The following LRSAM1 variants were observed in gnomAD, a reference collection of about 807,000 sequenced individuals.
LRSAM1 encodes E3 ubiquitin-protein ligase LRSAM1.
Under a neutral mutation model 118.1 loss-of-function variants are expected in LRSAM1, and 96 were observed. The observed-to-expected ratio is 0.81, with a 90% confidence interval of 0.69 to 0.96. The LOEUF (loss-of-function observed/expected upper bound fraction) is 0.96, where lower values mean the gene tolerates loss of function less well. Among genes scored for constraint, LRSAM1 ranks in the 40% least tolerant of loss-of-function variants. LRSAM1 has a pLI of 0.00. For synonymous variants in LRSAM1, 322 were observed against 364.2 expected (o/e 0.88, Z 1.32); for missense variants, 804 against 915.5 (o/e 0.88, Z 1.57).
intron 10 of LRSAM1, among the ~76,000 whole-genome samples, chr9:127,472,682 G>T (rs1017466707): frequency 6.6e-6 from 1 of 152,040 alleles, no homozygotes; most frequent in African/African-American, 2.4e-5. Flanking sequence ...AAACATTAAA[G>T]AAACCATAAA....
chr9:127,453,050 T>TTA (rs1192168475), intron 2 of LRSAM1, among the ~76,000 whole-genome samples: 2 of 152,216 alleles, frequency 1.3e-5, no homozygotes, highest in Admixed American at 1.3e-4. Flanking sequence ...CCACTGAACT[T>TTA]AATAAGCATC....
chr9:127,471,472 T>TAA (rs71380064), intron 10 of LRSAM1, among the ~76,000 whole-genome samples: 157 of 67,568 alleles, frequency 2.3e-3, no homozygotes, highest in East Asian at 3.4e-3. Context: ...CCTTATGTTA[T>TAA]AAAAAAAAAA....
At chr9:127,478,700 C>T (rs187026210) in intron 11 of LRSAM1, among the ~76,000 whole-genome samples, 72 of 152,310 alleles carry the variant, frequency 4.7e-4, no homozygotes, top group East Asian at 9.6e-4. Context: ...GCCCCTCCTA[C>T]AGTGCCATGC....
chr9:127,487,416 G>A (rs1835773111), intron 17 of LRSAM1: 1 of 431,000 alleles, frequency 2.3e-6, no homozygotes, highest in African/African-American at 2.0e-5. Context: ...TGCTGGGGAG[G>A]GGATTCTGGT....
chr9:127,459,864 G>A (rs1293201906), intron 7 of LRSAM1, among the ~76,000 whole-genome samples: 2 of 152,138 alleles, frequency 1.3e-5, no homozygotes, highest in Non-Finnish European at 2.9e-5. Context: ...TGGCCAGTAG[G>A]TGTATTTTTA....
At chr9:127,452,597 C>T (rs528654207) in intron 2 of LRSAM1, among the ~76,000 whole-genome samples, 1 of 152,196 alleles carries the variant, frequency 6.6e-6, no homozygotes, top group Non-Finnish European at 1.5e-5. Context: ...ATTTATTGAG[C>T]GCTCATGTGC....
At chr9:127,494,147 C>G (rs1836034426) in intron 21 of LRSAM1, among the ~76,000 whole-genome samples, 1 of 152,268 alleles carries the variant, frequency 6.6e-6, no homozygotes, top group Admixed American at 6.5e-5. Flanking sequence ...GAAGCACCGC[C>G]CCAGCAGAAC....
chr9:127,479,061 A>T, intron 12 of LRSAM1, 98 bp downstream of exon 12: 1 of 1,342,222 alleles, frequency 7.5e-7, no homozygotes, highest in Non-Finnish European at 1.1e-6. Flanking sequence ...CCCAGCTCAG[A>T]ATTAGAGGTC....
At chr9:127,461,094 T>A in intron 7 of LRSAM1, 79 bp from the exon 8 acceptor site, 1 of 1,069,654 alleles carries the variant, frequency 9.3e-7, no homozygotes, top group Non-Finnish European at 1.4e-6. Flanking sequence ...GACCTTGTGA[T>A]CCACCTGCCT....
At chr9:127,455,673 G>C in intron 5 of LRSAM1, 53 bp downstream of exon 5, 1 of 1,568,908 alleles carries the variant, frequency 6.4e-7, no homozygotes. Context: ...CTGCTTGTTT[G>C]AACCCACAAG....
chr9:127,465,105 C>G lies in LRSAM1; in HGVS notation c.529-2635C>G, dbSNP rs1834882031. On this transcript the variant is annotated intron_variant, in intron 9 of 25. Coordinates refer to ENST00000300417, the MANE Select transcript of LRSAM1 (RefSeq NM_001005373.4). This position sits in a 1 kb window ranked among gnomAD's most constrained non-coding sequence, Gnocchi z 4.1. ...GCACGCCACCCACCAAACAGCCCAC[C>G]AGGTCGGTAACACTGCCTGTTTGGC... Among the ~76,000 whole-genome samples the G allele has an allele frequency of 6.6e-6, 1 of 152,144 alleles. No homozygotes were observed.
intron 18 of LRSAM1, among the ~76,000 whole-genome samples, chr9:127,488,964 C>T (rs1050645505): frequency 6.6e-5 from 10 of 152,236 alleles, no homozygotes; most frequent in Non-Finnish European, 1.3e-4. Context: ...CTGTCCTCTG[C>T]GTGTTTGTCA....
intron 24 of LRSAM1, 65 bp from the exon 25 acceptor site, chr9:127,500,945 G>A (rs998872266): frequency 4.3e-5 from 70 of 1,611,362 alleles, no homozygotes; most frequent in Non-Finnish European, 5.8e-5. Flanking sequence ...GGGCCACAAT[G>A]AGCCCCCAGG....
rs1226957481 is a variant in LRSAM1 at position 127,503,134 on chromosome 9, G to A, written c.*235G>A. 5.2e-6 allele frequency: 3 copies of A among 579,262 alleles called. No individual in the cohort carries two copies. The highest frequency in any genetic ancestry group is 9.1e-6 in the Non-Finnish European group (3 of 328,098). The allele number at this position is 579,262 out of a possible 1,614,324, so 35.9% of individuals were successfully genotyped here. A position where few individuals can be genotyped will look rare whatever the true frequency, so the allele number is the denominator to read the frequency against. On this transcript the variant is annotated 3_prime_UTR_variant, in exon 26 of 26. Coordinates refer to ENST00000300417, the MANE Select transcript of LRSAM1 (RefSeq NM_001005373.4). ...GGTCCTGGGGGCTGGGGCTGGAGAG[G>A]CCGCTGCACCACCACCCGAGCCTGG...
chr9:127,457,926 C>T (rs1564251385), intron 6 of LRSAM1, among the ~76,000 whole-genome samples: 2 of 151,512 alleles, frequency 1.3e-5, no homozygotes, highest in African/African-American at 2.4e-5. Flanking sequence ...GGAATAATGA[C>T]AAGAGAAAAG....
intron 16 of LRSAM1, among the ~76,000 whole-genome samples, chr9:127,484,052 A>T (rs1013825944): frequency 3.3e-5 from 5 of 152,054 alleles, no homozygotes; most frequent in African/African-American, 1.2e-4. Flanking sequence ...TCCTCAACTG[A>T]AACTGTCCCT....
rs1588134360 is a variant in LRSAM1, at chr9:127,492,904, GTT to G, written c.1599+9_1599+10del. 3.7e-6 allele frequency: 6 copies of G among 1,613,282 alleles called. No individual in the cohort carries two copies. The African/African-American group carries it at 8.0e-5, about 22-fold the overall frequency. Reference sequence around the variant, plus strand: ...AGAGCTCCGGGAAATCCTGGTATGTGTTTGGCTTCTGTGCTCAGCATCACACA... The same window carrying G: ...AGAGCTCCGGGAAATCCTGGTATGTGTGGCTTCTGTGCTCAGCATCACACA... On this transcript the variant is annotated splice_region_variant and intron_variant, in intron 21 of 25. Coordinates refer to ENST00000300417, the MANE Select transcript of LRSAM1 (RefSeq NM_001005373.4).
intron 16 of LRSAM1, 38 bp from the exon 17 acceptor site, chr9:127,485,698 C>T (rs139447232): frequency 1.9e-6 from 3 of 1,604,430 alleles, no homozygotes; most frequent in African/African-American, 2.7e-5. Context: ...CCAGGAGCAG[C>T]CACTCCACTC....
chr9:127,455,165 T>A, intron 4 of LRSAM1, 111 bp downstream of exon 4: 1 of 1,057,570 alleles, frequency 9.5e-7, no homozygotes, highest in Non-Finnish European at 1.5e-6. Context: ...CCAGAAGCTC[T>A]AGTCACGAGA....
Sources: allele counts gnomAD v4.1 joint callset (sites outside exome capture counted in the v4.1 genomes callset), GRCh38; gene constraint gnomAD v4.1.1; non-coding constraint Gnocchi (gnomAD v3.1); transcripts MANE v1.5; gene names NCBI Gene and HGNC (gene_info 2026-07-23, HGNC 2026-07-21).